The following USP15 variants were observed in gnomAD, a reference collection of about 807,000 sequenced individuals.
The protein encoded by USP15 is ubiquitin carboxyl-terminal hydrolase 15.
A neutral mutation model predicts 127.1 loss-of-function variants in USP15; 18 were observed. The observed-to-expected ratio is 0.14, with a 90% confidence interval of 0.10 to 0.21. The LOEUF (loss-of-function observed/expected upper bound fraction) is 0.21. Ranked by LOEUF, USP15 falls within the 10% of genes least tolerant of loss-of-function variation. USP15 has a pLI of 1.00. For missense variants in USP15, 805 were observed against 1,159.9 expected (o/e 0.69, Z 4.44); for synonymous variants, 364 against 393.7 (o/e 0.92, Z 0.89).
At chr12:62,373,102 C>T (rs1258311928) in intron 8 of USP15, among the ~76,000 whole-genome samples, 2 of 151,966 alleles carry the variant, frequency 1.3e-5, no homozygotes, top group East Asian at 3.9e-4. Flanking sequence ...CAGAGACTTC[C>T]ACTTTTATCT....
intron 8 of USP15, among the ~76,000 whole-genome samples, chr12:62,372,541 T>TA (rs886192371): frequency 2.6e-5 from 4 of 151,702 alleles, no homozygotes; most frequent in African/African-American, 9.7e-5. Context: ...CAATAAACTT[T>TA]AAAAAAAAAT....
At chr12:62,319,441 C>A (rs978002865) in intron 4 of USP15, among the ~76,000 whole-genome samples, 1 of 152,162 alleles carries the variant, frequency 6.6e-6, no homozygotes, top group Non-Finnish European at 1.5e-5. Flanking sequence ...TCATATCATG[C>A]CACTTCTCTT....
chr12:62,301,331 C>T (rs1302350802), intron 2 of USP15, among the ~76,000 whole-genome samples: 6 of 152,118 alleles, frequency 3.9e-5, no homozygotes, highest in African/African-American at 1.4e-4. Context: ...CATTCCACTC[C>T]TAGGTATTTA....
chr12:62,386,000 A>G (rs1164603705), intron 11 of USP15, among the ~76,000 whole-genome samples: 1 of 152,090 alleles, frequency 6.6e-6, no homozygotes, highest in Admixed American at 6.6e-5. Context: ...ACATTAGTCC[A>G]TAAGGTATAT....
At chr12:62,307,878 C>T (rs1201037527) in intron 3 of USP15, among the ~76,000 whole-genome samples, 1 of 152,104 alleles carries the variant, frequency 6.6e-6, no homozygotes, top group Admixed American at 6.6e-5. Flanking sequence ...ATTTAATCAT[C>T]TCATATCATT....
chr12:62,305,389 T>C (rs896537082), intron 3 of USP15, among the ~76,000 whole-genome samples: 3 of 152,170 alleles, frequency 2.0e-5, no homozygotes, highest in African/African-American at 7.2e-5. Context: ...AACAATGGAC[T>C]TTGATATGTT....
rs911699978 is a variant in USP15 at position 62,409,612 on chromosome 12, T to G, written c.*5237T>G. 6.6e-6 allele frequency: 1 copy of G among 152,142 alleles called. No homozygotes were observed. The highest frequency in any genetic ancestry group is 1.5e-5 in the Non-Finnish European group (1 of 67,994). 9.4% of individuals were successfully genotyped at this position (152,142 alleles called of 1,614,324 possible). On this transcript the variant is annotated 3_prime_UTR_variant, in exon 22 of 22. Coordinates refer to ENST00000280377, the MANE Select transcript of USP15 (RefSeq NM_001252078.2). Reference sequence around the variant, plus strand: ...AACTTGCAGCTTGTTCTATATAGTTTGGTGAAACAAACAAAACAGTTTTTA... The same window carrying G: ...AACTTGCAGCTTGTTCTATATAGTTGGGTGAAACAAACAAAACAGTTTTTA...
At chr12:62,404,068 C>A (rs891266552) in intron 21 of USP15, 125 bp from the exon 22 acceptor site, 172 of 1,058,778 alleles carry the variant, frequency 1.6e-4, no homozygotes, top group Non-Finnish European at 2.1e-4. Context: ...TTCCATTTGA[C>A]CATGCATGGT....
rs1437372298 is a variant in USP15, at chr12:62,273,944, TATC to T, written c.89+13444_89+13446del. Among the ~76,000 whole-genome samples the T allele has an allele frequency of 3.9e-5, 6 of 152,170 alleles. No individual in the cohort carries two copies. The East Asian group carries it at 7.7e-4, about 20-fold the overall frequency. On this transcript the variant is annotated intron_variant, in intron 1 of 21. Coordinates refer to ENST00000280377, the MANE Select transcript of USP15 (RefSeq NM_001252078.2). Reference sequence around the variant, plus strand: ...TCTATTTATAGCTTGGTGATAATGTTATCATATCCTCTGCTATCTCACTTTTAA... The same window carrying T: ...TCTATTTATAGCTTGGTGATAATGTTATATCCTCTGCTATCTCACTTTTAA...
intron 1 of USP15, among the ~76,000 whole-genome samples, chr12:62,261,281 TATAC>T (rs1307504207): frequency 1.3e-5 from 2 of 152,204 alleles, no homozygotes; most frequent in Non-Finnish European, 2.9e-5. Context: ...TACCAAAGGT[TATAC>T]ATTTAAAATA....
At position 62,260,434 on chromosome 12, in the gene USP15, C is replaced by T. The variant is rs991384103; in HGVS notation, c.20C>T (p.Ala7Val). 4 of 1,551,532 alleles carry T rather than the reference C, an allele frequency of 2.6e-6. No individual in the cohort carries two copies. Among genetic ancestry groups the T allele is most frequent in the African/African-American group, 2.7e-5 (2 of 73,090 alleles). ...AAGAAGATGGCGGAAGGCGGAGCGG[C>T]GGATCTGGACACCCAGCGGTCTGAC... Reference protein sequence around the residue: MAEGGAADLDTQRSDIA... With the variant: MAEGGAVDLDTQRSDIA... Residue 7 changes from alanine (A) to valine (V), a missense_variant, in exon 1 of 22, where the codon GCG becomes GTG. By Grantham distance (64) the Ala-to-Val change is moderately conservative. Transcript: ENST00000280377.
intron 20 of USP15, among the ~76,000 whole-genome samples, chr12:62,399,183 C>T (rs2067596403): frequency 1.3e-5 from 2 of 152,206 alleles, no homozygotes; most frequent in South Asian, 4.1e-4. Flanking sequence ...CAAAAGCATT[C>T]ACCCAGCACC....
At chr12:62,319,482 CA>C (rs2137272175) in intron 4 of USP15, among the ~76,000 whole-genome samples, 1 of 152,256 alleles carries the variant, frequency 6.6e-6, no homozygotes, top group South Asian at 2.1e-4. Flanking sequence ...CTCTTTTGCT[CA>C]GATTAAAATA....
chr12:62,397,325 A>G (rs1901240), intron 20 of USP15, among the ~76,000 whole-genome samples: 56,493 of 152,118 alleles, frequency 0.37, 11,449 homozygotes, highest in East Asian at 0.46. Context: ...CTGTTCATCA[A>G]AGTCTAGTAG....
At chr12:62,379,592 C>A (rs928376888) in intron 8 of USP15, among the ~76,000 whole-genome samples, 2 of 152,060 alleles carry the variant, frequency 1.3e-5, no homozygotes, top group Non-Finnish European at 2.9e-5. Flanking sequence ...CAACTTGGTT[C>A]TTTTGAGATA....
rs2068002945 is a variant in USP15 at position 62,410,123 on chromosome 12, A to G, written c.*5748A>G. 6.6e-6 allele frequency: 1 copy of G among 152,088 alleles called. No individual in the cohort carries two copies. Among genetic ancestry groups the G allele is most frequent in the South Asian group, 2.1e-4 (1 of 4,832 alleles). 9.4% of individuals were successfully genotyped at this position (152,088 alleles called of 1,614,324 possible). A position where few individuals can be genotyped will look rare whatever the true frequency, so the allele number is the denominator to read the frequency against. ...GCATTTAATCTTCTTTCAAGTGAGAACCATCTTTCCATTATATCAAGTGGG... is the reference window on the plus strand; with the variant it reads ...GCATTTAATCTTCTTTCAAGTGAGAGCCATCTTTCCATTATATCAAGTGGG... On this transcript the variant is annotated 3_prime_UTR_variant, in exon 22 of 22. Coordinates refer to ENST00000280377, the MANE Select transcript of USP15 (RefSeq NM_001252078.2).
At chr12:62,319,940 T>C (rs995822623) in intron 4 of USP15, among the ~76,000 whole-genome samples, 2 of 152,240 alleles carry the variant, frequency 1.3e-5, no homozygotes, top group African/African-American at 4.8e-5. Flanking sequence ...CTTGGCTTCT[T>C]CCTTTATCCT....
At position 62,404,546 on chromosome 12, in the gene USP15, G is replaced by T; in HGVS notation, c.*171G>T. The T allele has an allele frequency of 1.1e-6, 1 of 911,860 alleles. No homozygotes were observed. Among genetic ancestry groups the T allele is most frequent in the South Asian group, 3.4e-5 (1 of 29,312 alleles). 56.5% of individuals were successfully genotyped at this position (911,860 alleles called of 1,614,324 possible). The stretch of plus-strand genomic sequence containing the variant: ...TGCAGTACTTGAAGTGAAACACAAT[G>T]AAAACTTTAACAGAAATTGTCTCTT... On this transcript the variant is annotated 3_prime_UTR_variant, in exon 22 of 22. Transcript: ENST00000280377.
At chr12:62,285,738 G>A (rs2063768556) in intron 1 of USP15, among the ~76,000 whole-genome samples, 1 of 152,058 alleles carries the variant, frequency 6.6e-6, no homozygotes, top group South Asian at 2.1e-4. Context: ...ATAGTGCTGT[G>A]ATAAACATAC....
Sources: allele counts gnomAD v4.1 joint callset (sites outside exome capture counted in the v4.1 genomes callset), GRCh38; gene constraint gnomAD v4.1.1; transcripts MANE v1.5; gene names NCBI Gene and HGNC (gene_info 2026-07-23, HGNC 2026-07-21).